ADAMTS2: variants seen among roughly 807,000 people sequenced by gnomAD.
ADAMTS2 encodes ADAM metallopeptidase with thrombospondin type 1 motif 2.
Under a neutral mutation model 123.0 loss-of-function variants are expected in ADAMTS2, and 50 were observed. That is an observed-to-expected ratio of 0.41 (90% confidence interval 0.32 to 0.51). The LOEUF is 0.51. Among genes scored for constraint, ADAMTS2 ranks in the 20% least tolerant of loss-of-function variants. ADAMTS2 has a pLI of 0.35. For missense variants in ADAMTS2, 1,494 were observed against 1,705.2 expected, an observed-to-expected ratio of 0.88 and a Z score of 2.18; for synonymous variants, 678 against 695.4, an observed-to-expected ratio of 0.98 and a Z score of 0.39.
At chr5:179,182,021 C>G (rs1379584089) in intron 4 of ADAMTS2, among the ~76,000 whole-genome samples, 1 of 152,156 alleles carries the variant, frequency 6.6e-6, no homozygotes, top group African/African-American at 2.4e-5. Flanking sequence ...CTAGCGCAGC[C>G]CCCTTCCTGT....
At chr5:179,265,942 C>T (rs1344041350) in intron 3 of ADAMTS2, among the ~76,000 whole-genome samples, 1 of 152,240 alleles carries the variant, frequency 6.6e-6, no homozygotes, top group Non-Finnish European at 1.5e-5. Flanking sequence ...CTCCAGGGAT[C>T]CAGCGCCGAG....
chr5:179,292,218 G>A lies in ADAMTS2; in HGVS notation c.535-19154C>T, dbSNP rs186736942. The stretch of plus-strand genomic sequence containing the variant: ...GAGAAGCGGCGGAGTCAGGAGAAAT[G>A]CCACAACCAGCACTAAATACATGGG... On this transcript the variant is annotated intron_variant, in intron 2 of 21. Coordinates refer to ENST00000251582, the MANE Select transcript of ADAMTS2 (RefSeq NM_014244.5). 6.3e-4 allele frequency among the ~76,000 whole-genome samples: 96 copies of A among 152,004 alleles called. 1 individual carries two copies. Among genetic ancestry groups the A allele is most frequent in the Admixed American group, 4.2e-3 (64 of 15,250 alleles).
At chr5:179,119,534 T>A (rs920823479) in intron 21 of ADAMTS2, among the ~76,000 whole-genome samples, 1 of 152,192 alleles carries the variant, frequency 6.6e-6, no homozygotes, top group African/African-American at 2.4e-5. Flanking sequence ...TTTTCAGCAA[T>A]GTGAGAGAAC....
At chr5:179,136,228 T>G (rs148230956) in intron 12 of ADAMTS2, among the ~76,000 whole-genome samples, 186 bp from the exon 13 acceptor site, 352 of 152,298 alleles carry the variant, frequency 2.3e-3, no homozygotes, top group African/African-American at 8.2e-3. Flanking sequence ...CCTAAGCCTT[T>G]GACCCTGGTG....
chr5:179,200,805 C>T (rs1217760780), intron 4 of ADAMTS2, among the ~76,000 whole-genome samples: 2 of 152,182 alleles, frequency 1.3e-5, no homozygotes, highest in Non-Finnish European at 2.9e-5. Flanking sequence ...ACATCAAAAA[C>T]TATCCCAGGC....
intron 3 of ADAMTS2, among the ~76,000 whole-genome samples, chr5:179,220,155 A>C (rs917228034): frequency 1.3e-5 from 2 of 152,198 alleles, no homozygotes; most frequent in African/African-American, 4.8e-5. Context: ...GTGGGGGCCG[A>C]TGGAGAGGCC....
chr5:179,255,672 G>A (rs370401505), intron 3 of ADAMTS2, among the ~76,000 whole-genome samples: 17 of 152,030 alleles, frequency 1.1e-4, no homozygotes, highest in African/African-American at 2.9e-4. Flanking sequence ...AGGTAGAGCC[G>A]TCTCCCAAGA....
chr5:179,159,829 A>G (rs1315241614), intron 5 of ADAMTS2, among the ~76,000 whole-genome samples: 1 of 152,154 alleles, frequency 6.6e-6, no homozygotes, highest in Non-Finnish European at 1.5e-5. Context: ...TCTAGATTCA[A>G]CTCACTGCCC....
In ADAMTS2 at chr5:179,312,658, C is replaced by T. The variant is rs1756865430; in HGVS notation, c.534+31109G>A. On this transcript the variant is annotated intron_variant, in intron 2 of 21. Transcript: ENST00000251582. The surrounding 1 kb of genome is among the most constrained non-coding windows in gnomAD (Gnocchi z 4.2). ...AAGATGAGCCAGGCAGAGGAGAAGG[C>T]CACGTACAGGCAGAGCAGAGGGAGA... Among the ~76,000 whole-genome samples, 1 of 152,184 alleles carries T rather than the reference C, an allele frequency of 6.6e-6. No individual in the cohort carries two copies. The highest frequency in any genetic ancestry group is 6.5e-5 in the Admixed American group (1 of 15,280).
chr5:179,127,853 G>A (rs1268975345), intron 17 of ADAMTS2, 106 bp downstream of exon 17: 1 of 1,489,598 alleles, frequency 6.7e-7, no homozygotes, highest in Non-Finnish European at 9.3e-7. Flanking sequence ...GGTCCCTGCT[G>A]TGGCTCCTCG....
intron 3 of ADAMTS2, 22 bp from the exon 4 acceptor site, chr5:179,207,737 T>A (rs765388033): frequency 6.2e-7 from 1 of 1,606,288 alleles, no homozygotes; most frequent in African/African-American, 1.3e-5. Flanking sequence ...GGACACCGTC[T>A]TCAGCGGCAG....
At chr5:179,275,002 G>A (rs999206727) in intron 2 of ADAMTS2, among the ~76,000 whole-genome samples, 6 of 152,192 alleles carry the variant, frequency 3.9e-5, no homozygotes, top group Admixed American at 2.0e-4. Context: ...TGCCATGGCC[G>A]GGGAGGTGGA....
intron 2 of ADAMTS2, among the ~76,000 whole-genome samples, chr5:179,315,072 C>G (rs1756949953): frequency 6.6e-6 from 1 of 150,724 alleles, no homozygotes; most frequent in Admixed American, 6.6e-5. Context: ...CCACCCCGGC[C>G]TCCTCCTCCC....
At chr5:179,168,079 A>G (rs901785834) in intron 5 of ADAMTS2, among the ~76,000 whole-genome samples, 13 of 152,230 alleles carry the variant, frequency 8.5e-5, no homozygotes, top group Admixed American at 1.3e-4. Context: ...TCTGGTGAGC[A>G]GACCACATTT....
Position 179,165,769 on chromosome 5 carries a change from C to T in ADAMTS2, c.976-6890G>A, listed in dbSNP as rs959656566. ...GCCTCTGAGGGCAGACTCTTCACAG[C>T]GGCAGCAGCTCCCAGAACTCCCAGG... On this transcript the variant is annotated intron_variant, in intron 5 of 21. Transcript: ENST00000251582. 1.3e-5 allele frequency among the ~76,000 whole-genome samples: 2 copies of T among 152,172 alleles called. 1 individual carries two copies. The highest frequency in any genetic ancestry group is 2.9e-5 in the Non-Finnish European group (2 of 68,010).
rs771718656 is a variant in ADAMTS2, at chr5:179,132,872, G to A, written c.2114C>T (p.Ser705Phe). Reference protein sequence around the residue: ...RKVGCDGVIGSSKQEDKCGVC... With the variant: ...RKVGCDGVIGFSKQEDKCGVC... ...GCCACACTTGTCTTCCTGCTTGCTG[G>A]AGCCGATCACACCGTCACAGCCCAC... Residue 705 changes from serine (S) to phenylalanine (F), a missense_variant, in exon 14 of 22, where the codon TCC becomes TTC. Physicochemically the swap from Ser to Phe is radical, Grantham distance 155. Around this residue, in one of 6 missense-constraint regions of ADAMTS2, gnomAD observed 953 missense variants for 1,124.7 expected, o/e 0.85. Transcript: ENST00000251582. This position sits in a 1 kb window ranked among gnomAD's most constrained non-coding sequence, Gnocchi z 6.1. The A allele has an allele frequency of 1.2e-6, 2 of 1,613,938 alleles. No individual in the cohort carries two copies. Among genetic ancestry groups the A allele is most frequent in the Non-Finnish European group, 1.7e-6 (2 of 1,179,958 alleles).
chr5:179,284,291 T>C (rs895805214), intron 2 of ADAMTS2, among the ~76,000 whole-genome samples: 13 of 151,634 alleles, frequency 8.6e-5, no homozygotes, highest in Admixed American at 6.6e-5. Flanking sequence ...ATTGCATCAC[T>C]GCACTCCATT....
At chr5:179,274,124 C>A (rs1766626928) in intron 2 of ADAMTS2, among the ~76,000 whole-genome samples, 2 of 151,796 alleles carry the variant, frequency 1.3e-5, no homozygotes, top group Admixed American at 6.6e-5. Context: ...CCTGCCATAC[C>A]CTGCCCTCCC....
chr5:179,324,603 G>A, intron 2 of ADAMTS2, among the ~76,000 whole-genome samples: 1 of 152,088 alleles, frequency 6.6e-6, no homozygotes, highest in Non-Finnish European at 1.5e-5. Context: ...GTTGCCCAGG[G>A]TGGTCTCAAA....
Sources: gnomAD v4.1 joint callset for allele counts (sites outside exome capture counted in the v4.1 genomes callset) on GRCh38, gnomAD v4.1.1 for gene constraint, gnomAD v4.1.1 regional missense constraint, Gnocchi (gnomAD v3.1) non-coding constraint, MANE v1.5 for transcripts, NCBI Gene and HGNC (gene_info 2026-07-23, HGNC 2026-07-21) for gene names.